Variants in CYP39A1 observed in about 807,000 individuals in gnomAD.
CYP39A1 encodes the protein 24-hydroxycholesterol 7-alpha-hydroxylase.
A neutral mutation model predicts 58.1 loss-of-function variants in CYP39A1; 49 were observed. The observed-to-expected ratio is 0.84, with a 90% CI of 0.67 to 1.07. CYP39A1 has a LOEUF of 1.07. Among genes scored for constraint, CYP39A1 ranks in the 50% least tolerant of loss-of-function variants. The pLI is 0.00. For missense variants in CYP39A1, 531 were observed against 539.4 expected, an observed-to-expected ratio of 0.98 and a Z score of 0.16; for synonymous variants, 209 against 187.6, an observed-to-expected ratio of 1.11 and a Z score of -0.93.
At chr6:46,629,911 A>T (rs1775542889) in intron 6 of CYP39A1, among the ~76,000 whole-genome samples, 1 of 151,644 alleles carries the variant, frequency 6.6e-6, no homozygotes, top group African/African-American at 2.4e-5. Context: ...CATGGCTCTA[A>T]TCTAATGCAA....
intron 10 of CYP39A1, chr6:46,586,612 CA>C: frequency 1.0e-6 from 1 of 977,804 alleles, no homozygotes; most frequent in Non-Finnish European, 1.2e-6. Flanking sequence ...TAAAAGGTAT[CA>C]AAAGAAAGTT....
chr6:46,646,838 G>A (rs1762356323), intron 1 of CYP39A1, among the ~76,000 whole-genome samples: 1 of 151,958 alleles, frequency 6.6e-6, no homozygotes, highest in African/African-American at 2.4e-5. Flanking sequence ...TTAAATTTAT[G>A]TTTGTAGAGT....
intron 9 of CYP39A1, 114 bp downstream of exon 9, chr6:46,587,920 C>A: frequency 1.8e-6 from 1 of 551,938 alleles, no homozygotes; most frequent in Non-Finnish European, 3.1e-6. Flanking sequence ...TTCTTAGTTA[C>A]GAGAGAAATA....
chr6:46,599,909 G>A (rs564265069), intron 7 of CYP39A1, among the ~76,000 whole-genome samples: 21 of 152,168 alleles, frequency 1.4e-4, no homozygotes, highest in Non-Finnish European at 2.8e-4. Flanking sequence ...TCTTGCCATC[G>A]CAGAAAATGG....
chr6:46,560,259 T>C (rs971287683), intron 10 of CYP39A1, among the ~76,000 whole-genome samples: 5 of 151,992 alleles, frequency 3.3e-5, no homozygotes, highest in African/African-American at 9.7e-5. Context: ...GAGAATAAAA[T>C]ATAGGGTGAG....
At chr6:46,565,752 C>G (rs1771241251) in intron 10 of CYP39A1, among the ~76,000 whole-genome samples, 1 of 152,250 alleles carries the variant, frequency 6.6e-6, no homozygotes. Flanking sequence ...AGGATCCAAT[C>G]AGATAGAGCA....
chr6:46,584,903 T>G (rs535344991), intron 10 of CYP39A1, among the ~76,000 whole-genome samples: 69 of 152,266 alleles, frequency 4.5e-4, no homozygotes, highest in African/African-American at 1.5e-3. Flanking sequence ...ATCCTTGCAG[T>G]TATTTATTAA....
At chr6:46,642,119 T>C in intron 2 of CYP39A1, 44 bp downstream of exon 2, 1 of 1,604,328 alleles carries the variant, frequency 6.2e-7, no homozygotes, top group Non-Finnish European at 8.5e-7. Flanking sequence ...ACTCCTGGAT[T>C]CCAATGTTGG....
intron 1 of CYP39A1, 102 bp from the exon 2 acceptor site, chr6:46,642,400 A>C: frequency 8.9e-7 from 1 of 1,124,592 alleles, no homozygotes; most frequent in African/African-American, 1.6e-5. Context: ...GTCAAAAGAA[A>C]AATTATTATG....
intron 10 of CYP39A1, among the ~76,000 whole-genome samples, chr6:46,561,905 G>C (rs1208728082): frequency 6.6e-6 from 1 of 152,076 alleles, no homozygotes; most frequent in Non-Finnish European, 1.5e-5. Context: ...AGGGGAGTTG[G>C]GGAAATGTTA....
At chr6:46,618,924 G>T (rs1774785316) in intron 7 of CYP39A1, among the ~76,000 whole-genome samples, 1 of 151,854 alleles carries the variant, frequency 6.6e-6, no homozygotes, top group Admixed American at 6.6e-5. Context: ...CTTCTATCTG[G>T]CCCAGATAAC....
At chr6:46,571,053 G>T (rs2150493960) in intron 10 of CYP39A1, among the ~76,000 whole-genome samples, 1 of 152,172 alleles carries the variant, frequency 6.6e-6, no homozygotes, top group East Asian at 1.9e-4. Context: ...TCCTGTTATT[G>T]ATTTCTAGTT....
intron 1 of CYP39A1, among the ~76,000 whole-genome samples, chr6:46,650,745 G>A (rs1254409182): frequency 6.6e-6 from 1 of 151,720 alleles, no homozygotes; most frequent in Non-Finnish European, 1.5e-5. Context: ...TAAATTCCTG[G>A]CCTCAAGCAA....
At chr6:46,639,877 G>A (rs986788270) in intron 2 of CYP39A1, among the ~76,000 whole-genome samples, 1 of 152,192 alleles carries the variant, frequency 6.6e-6, no homozygotes, top group Non-Finnish European at 1.5e-5. Context: ...AACTTTGGGA[G>A]AACAAGGCAG....
chr6:46,549,795 T>C lies in CYP39A1; in HGVS notation c.*571A>G, dbSNP rs537999327. On this transcript the variant is annotated 3_prime_UTR_variant, in exon 12 of 12. Coordinates refer to ENST00000275016, the MANE Select transcript of CYP39A1 (RefSeq NM_016593.5). ...GTGTAGAAATGAATGTAAGACACCA[T>C]TCCTGTCCTCACAGGTCTCAGAAAA... 4 of 152,378 alleles carry C rather than the reference T, an allele frequency of 2.6e-5. No individual in the cohort carries two copies. Among genetic ancestry groups the C allele is most frequent in the Non-Finnish European group, 4.4e-5 (3 of 68,038 alleles). 9.4% of individuals were successfully genotyped at this position (152,378 alleles called of 1,614,324 possible).
intron 7 of CYP39A1, among the ~76,000 whole-genome samples, chr6:46,613,199 AGTGTATAAC>A (rs1251441814): frequency 6.6e-6 from 1 of 152,222 alleles, no homozygotes; most frequent in Non-Finnish European, 1.5e-5. Flanking sequence ...TTTCCTCACC[AGTGTATAAC>A]GTGTAGCTAC....
At position 46,642,228 on chromosome 6, in the gene CYP39A1, T is replaced by A; in HGVS notation, c.248A>T (p.Asn83Ile). Residue 83 changes from asparagine to isoleucine, a missense_variant, in exon 2 of 12, where the codon AAT (asparagine) becomes ATT (isoleucine). Transcript: ENST00000275016. ...MTFVTEEEGINVFLKSKKVDF... is the reference protein window; with the variant it reads ...MTFVTEEEGIIVFLKSKKVDF... ...TACTTTTTTGGATTTTAGAAACACA[T>A]TAATTCCTTCTTCTTCAGTAACAAA... 6.2e-7 allele frequency: 1 copy of A among 1,612,906 alleles called. No homozygotes were observed. Among genetic ancestry groups the A allele is most frequent in the South Asian group, 1.1e-5 (1 of 91,048 alleles).
chr6:46,606,384 A>T (rs1773845269), intron 7 of CYP39A1, among the ~76,000 whole-genome samples: 1 of 152,182 alleles, frequency 6.6e-6, no homozygotes, highest in Non-Finnish European at 1.5e-5. Flanking sequence ...TTTTCGAATG[A>T]TTCTTTAGTG....
chr6:46,571,148 A>G (rs1028612211), intron 10 of CYP39A1, among the ~76,000 whole-genome samples: 3 of 152,116 alleles, frequency 2.0e-5, no homozygotes, highest in African/African-American at 7.2e-5. Context: ...CCTATCTTGA[A>G]GACTGTCATA....
Sources: gnomAD v4.1 joint callset for allele counts (sites outside exome capture counted in the v4.1 genomes callset) on GRCh38, gnomAD v4.1.1 for gene constraint, MANE v1.5 for transcripts, NCBI Gene and HGNC (gene_info 2026-07-23, HGNC 2026-07-21) for gene names.